The following AP2A2 variants were observed in gnomAD, a reference collection of about 807,000 sequenced individuals.
The protein encoded by AP2A2 is adaptor related protein complex 2 subunit alpha 2, also known as AP-2 complex subunit alpha-2.
A neutral mutation model predicts 104.2 loss-of-function variants in AP2A2; 32 were observed. That is an observed-to-expected ratio of 0.31 (90% CI 0.23 to 0.41). The LOEUF (loss-of-function observed/expected upper bound fraction) is 0.41, where lower values mean the gene tolerates loss of function less well. AP2A2 is among the 10% of genes least tolerant of loss of function. The pLI is 1.00. For missense variants in AP2A2, 912 were observed against 1,261.0 expected, an observed-to-expected ratio of 0.72 and a Z score of 4.19; for synonymous variants, 539 against 533.3, an observed-to-expected ratio of 1.01 and a Z score of -0.15.
At chr11:974,814 G>A (rs775095184) in intron 4 of AP2A2, among the ~76,000 whole-genome samples, 12 of 151,142 alleles carry the variant, frequency 7.9e-5, no homozygotes, top group Admixed American at 7.3e-4. Flanking sequence ...GTGAAACCCC[G>A]TCTCTACTAA....
chr11:964,125 G>A (rs544910573), intron 2 of AP2A2, among the ~76,000 whole-genome samples: 9 of 152,214 alleles, frequency 5.9e-5, no homozygotes, highest in Non-Finnish European at 7.3e-5. Flanking sequence ...GGGAATACCC[G>A]TAGGGCAGAG....
At chr11:972,618 G>T (rs1011078610) in intron 4 of AP2A2, among the ~76,000 whole-genome samples, 4 of 152,210 alleles carry the variant, frequency 2.6e-5, no homozygotes, top group African/African-American at 9.7e-5. Flanking sequence ...GATTGCTTGA[G>T]CCCAGGAAGT....
intron 9 of AP2A2, among the ~76,000 whole-genome samples, 193 bp from the exon 10 acceptor site, chr11:988,359 C>G (rs770361794): frequency 5.3e-5 from 8 of 152,234 alleles, no homozygotes; most frequent in Non-Finnish European, 1.2e-4. Context: ...GAGGGCCGGG[C>G]CAGCAGGCGG....
intron 1 of AP2A2, among the ~76,000 whole-genome samples, chr11:958,492 A>G (rs1467616772): frequency 6.6e-6 from 1 of 152,206 alleles, no homozygotes; most frequent in Non-Finnish European, 1.5e-5. Context: ...AGGTATTTTG[A>G]TTGCCATTGG....
chr11:953,744 A>G (rs1263477892), intron 1 of AP2A2, among the ~76,000 whole-genome samples: 2 of 151,760 alleles, frequency 1.3e-5, no homozygotes, highest in South Asian at 2.1e-4. Context: ...TTCTTGCATC[A>G]TGCTCAGCCC....
At position 972,254 on chromosome 11, in the gene AP2A2, G is replaced by A. The variant is rs758742768; in HGVS notation, c.472G>A (p.Gly158Arg). Residue 158 changes from glycine to arginine, a missense_variant and splice_region_variant, in exon 4 of 22, where the codon GGA (glycine) becomes AGA (arginine). Around this residue, in one of 7 missense-constraint regions of AP2A2, gnomAD observed 350 missense variants for 487.0 expected, o/e 0.72. Coordinates refer to ENST00000448903, the MANE Select transcript of AP2A2 (RefSeq NM_012305.4). ...AGEIPKVLVAGDTMDSVKQSA... is the reference protein window; with the variant it reads ...AGEIPKVLVARDTMDSVKQSA... ...GGAGATCCCTAAGGTCCTCGTAGCCGGGTATGTGCCGGGCTCGTGCCGGGC... is the reference window on the plus strand; with the variant it reads ...GGAGATCCCTAAGGTCCTCGTAGCCAGGTATGTGCCGGGCTCGTGCCGGGC... The A allele has an allele frequency of 6.3e-7, 1 of 1,591,672 alleles. No individual in the cohort carries two copies. The highest frequency in any genetic ancestry group is 8.5e-7 in the Non-Finnish European group (1 of 1,173,372).
rs1856396040 is a variant in AP2A2 at position 1,010,646 on chromosome 11, G to A, written c.*21G>A. ...TTTAGTCCTGAGGATGGAAGACCAG[G>A]CTCGTGTGTCTTGTGTTGTCTTCGT... On this transcript the variant is annotated 3_prime_UTR_variant, in exon 22 of 22. Transcript: ENST00000448903. 1.3e-6 allele frequency: 2 copies of A among 1,565,230 alleles called. No individual in the cohort carries two copies. The highest frequency in any genetic ancestry group is 1.2e-5 in the South Asian group (1 of 85,454).
chr11:932,066 A>T (rs538452730), intron 1 of AP2A2, among the ~76,000 whole-genome samples: 34 of 152,218 alleles, frequency 2.2e-4, no homozygotes, highest in Admixed American at 4.6e-4. Flanking sequence ...GGTTCAAGTG[A>T]TTCTTGTGCC....
In AP2A2 at chr11:937,081, C is replaced by T. The variant is rs536914881; in HGVS notation, c.67+10993C>T. ...TGTCGCCCAGGCTGGAGTGCAGTGG[C>T]GCGATCTCAGCTCACTGCAACCTCT... On this transcript the variant is annotated intron_variant, in intron 1 of 21. Transcript: ENST00000448903. 2.8e-4 allele frequency among the ~76,000 whole-genome samples: 43 copies of T among 152,094 alleles called. No homozygotes were observed. In the East Asian group the frequency reaches 5.6e-3, roughly 20 times the overall value.
intron 1 of AP2A2, among the ~76,000 whole-genome samples, chr11:955,074 CT>C (rs1350074893): frequency 6.6e-6 from 1 of 152,168 alleles, no homozygotes; most frequent in Non-Finnish European, 1.5e-5. Context: ...GTTTCTTTCC[CT>C]GGTGTTTGGG....
intron 1 of AP2A2, chr11:956,774 T>C (rs1024520541): frequency 1.3e-5 from 2 of 152,210 alleles, no homozygotes; most frequent in Admixed American, 1.3e-4. Context: ...TTCCCTCTTT[T>C]GTACAATGGA....
chr11:989,660 C>T (rs944629847), intron 10 of AP2A2, among the ~76,000 whole-genome samples: 9 of 152,178 alleles, frequency 5.9e-5, no homozygotes, highest in African/African-American at 1.4e-4. Context: ...CAAACCTGTA[C>T]GTGTGAAAGA....
At chr11:995,951 T>C (rs1855845021) in intron 14 of AP2A2, 1 of 151,722 alleles carries the variant, frequency 6.6e-6, no homozygotes, top group African/African-American at 2.4e-5. Context: ...AGCACCTTCA[T>C]GCTTATGTTT....
rs780415227 is a variant in AP2A2 at position 1,009,699 on chromosome 11, C to T, written c.2624C>T (p.Ser875Phe). The T allele has an allele frequency of 2.2e-5, 34 of 1,573,310 alleles. 1 individual carries two copies. In the South Asian group the frequency reaches 3.5e-4, roughly 16 times the overall value. ...VTKAKIIGFG[S>F]ALLEEVDPNP... ...TTTGGACAGATCATTGGATTTGGTT[C>T]TGCACTTCTTGAAGAAGTTGATCCT... Residue 875 changes from serine (S) to phenylalanine (F), a missense_variant, in exon 21 of 22, where the codon TCT becomes TTT. Around this residue, in one of 7 missense-constraint regions of AP2A2, gnomAD observed 239 missense variants for 329.8 expected, o/e 0.72. Transcript: ENST00000448903.
chr11:955,295 T>C (rs1352130807), intron 1 of AP2A2, among the ~76,000 whole-genome samples: 1 of 152,186 alleles, frequency 6.6e-6, no homozygotes, highest in African/African-American at 2.4e-5. Flanking sequence ...GCCTGCAGGC[T>C]TTGTGTGGCA....
chr11:983,864 T>C (rs2133702890), intron 6 of AP2A2, among the ~76,000 whole-genome samples: 1 of 152,366 alleles, frequency 6.6e-6, no homozygotes, highest in South Asian at 2.1e-4. Context: ...TCTTGCCTTT[T>C]CCTGCTTTGT....
At chr11:959,790 A>G (rs1854367210) in intron 2 of AP2A2, among the ~76,000 whole-genome samples, 1 of 152,150 alleles carries the variant, frequency 6.6e-6, no homozygotes, top group African/African-American at 2.4e-5. Flanking sequence ...CTGGGGGTTC[A>G]GAGGACAGAC....
chr11:966,669 C>T (rs1019697598), intron 2 of AP2A2, among the ~76,000 whole-genome samples: 8 of 152,134 alleles, frequency 5.3e-5, no homozygotes, highest in African/African-American at 1.9e-4. Flanking sequence ...AAGGAGTTCC[C>T]ACCCTGCCCC....
chr11:947,420 A>G (rs2134508497), intron 1 of AP2A2, among the ~76,000 whole-genome samples: 1 of 152,344 alleles, frequency 6.6e-6, no homozygotes, highest in Middle Eastern at 3.4e-3. Flanking sequence ...AAGAGAAGTG[A>G]GGGAAGAGCT....
Sources: gnomAD v4.1 joint callset for allele counts (sites outside exome capture counted in the v4.1 genomes callset) on GRCh38, gnomAD v4.1.1 for gene constraint, gnomAD v4.1.1 regional missense constraint, MANE v1.5 for transcripts, NCBI Gene and HGNC (gene_info 2026-07-23, HGNC 2026-07-21) for gene names.